Variants in CDH4 observed in about 807,000 individuals in gnomAD.
CDH4 encodes the protein cadherin 4.
CDH4 carries 33 observed loss-of-function variants against 86.0 expected under a neutral mutation model. That is an observed-to-expected ratio of 0.38 (90% CI 0.29 to 0.51). CDH4 has a LOEUF of 0.51. Among genes scored for constraint, CDH4 ranks in the 20% least tolerant of loss-of-function variants. CDH4 has a pLI of 0.86. For synonymous variants in CDH4, 555 were observed against 549.4 expected (o/e 1.01, Z -0.14); for missense variants, 1,114 against 1,307.4 (o/e 0.85, Z 2.28).
chr20:61,707,566 C>T (rs993851677), intron 2 of CDH4, among the ~76,000 whole-genome samples: 1 of 152,150 alleles, frequency 6.6e-6, no homozygotes, highest in African/African-American at 2.4e-5. Context: ...AAAATGTTAC[C>T]CCATAAAAAA....
intron 2 of CDH4, among the ~76,000 whole-genome samples, chr20:61,616,875 G>A (rs908115320): frequency 1.1e-4 from 17 of 152,160 alleles, no homozygotes; most frequent in African/African-American, 2.7e-4. Context: ...CAGGGTCCCC[G>A]CTGCACATCC....
intron 2 of CDH4, among the ~76,000 whole-genome samples, chr20:61,706,703 C>G (rs1203361103): frequency 6.6e-6 from 1 of 152,170 alleles, no homozygotes; most frequent in Non-Finnish European, 1.5e-5. Flanking sequence ...GTGTAGAAAC[C>G]ACCTTGGCTG....
chr20:61,425,132 G>A (rs1015748755), intron 2 of CDH4, among the ~76,000 whole-genome samples: 7 of 152,198 alleles, frequency 4.6e-5, no homozygotes, highest in Non-Finnish European at 1.5e-5. Context: ...GTGGCTCCGC[G>A]AGCGCCTTGA....
At chr20:61,303,508 A>G (rs1454680082) in intron 2 of CDH4, among the ~76,000 whole-genome samples, 1 of 152,024 alleles carries the variant, frequency 6.6e-6, no homozygotes, top group Non-Finnish European at 1.5e-5. Flanking sequence ...TCTCTGCCTC[A>G]TCCTCACCCT....
At chr20:61,472,314 T>C (rs781309875) in intron 2 of CDH4, among the ~76,000 whole-genome samples, 16 of 152,230 alleles carry the variant, frequency 1.1e-4, no homozygotes, top group Non-Finnish European at 1.9e-4. Context: ...CTGATATAAG[T>C]GTAGCTACTC....
intron 2 of CDH4, among the ~76,000 whole-genome samples, chr20:61,506,540 C>T (rs1247600352): frequency 6.6e-6 from 1 of 152,206 alleles, no homozygotes; most frequent in Non-Finnish European, 1.5e-5. Context: ...ATTTTGGCAG[C>T]TTTGCCTGTT....
At chr20:61,444,919 CTGTG>C in intron 2 of CDH4, among the ~76,000 whole-genome samples, 4 of 150,146 alleles carry the variant, frequency 2.7e-5, no homozygotes, top group Admixed American at 2.6e-4. Flanking sequence ...GTGTGTGTGT[CTGTG>C]TGTGTCTGTA....
chr20:61,747,561 T>G (rs927157203), intron 3 of CDH4, among the ~76,000 whole-genome samples: 18 of 152,004 alleles, frequency 1.2e-4, no homozygotes, highest in Non-Finnish European at 2.5e-4. Flanking sequence ...CTTTGAGAGA[T>G]AATTAGAAGG....
At chr20:61,318,224 G>A (rs563068330) in intron 2 of CDH4, among the ~76,000 whole-genome samples, 9 of 152,244 alleles carry the variant, frequency 5.9e-5, no homozygotes, top group South Asian at 2.1e-4. Flanking sequence ...TTTGCTTTGC[G>A]TTGACGACTC....
At chr20:61,650,338 G>T (rs2087108271) in intron 2 of CDH4, among the ~76,000 whole-genome samples, 2 of 152,198 alleles carry the variant, frequency 1.3e-5, no homozygotes, top group African/African-American at 4.8e-5. Context: ...TGACTGCTTA[G>T]TGCTGTCTTG....
chr20:61,603,681 CAG>C (rs1187372897), intron 2 of CDH4, among the ~76,000 whole-genome samples: 5 of 152,310 alleles, frequency 3.3e-5, no homozygotes, highest in African/African-American at 1.2e-4. Context: ...CAATGGAGCA[CAG>C]AGAAGTGAGC....
intron 7 of CDH4, 92 bp downstream of exon 7, chr20:61,873,992 C>T (rs1026189326): frequency 6.6e-6 from 9 of 1,373,546 alleles, no homozygotes; most frequent in African/African-American, 4.3e-5. Flanking sequence ...CCAGTGGCGC[C>T]GTCGGGGAGT....
At chr20:61,587,556 C>T (rs1043763353) in intron 2 of CDH4, among the ~76,000 whole-genome samples, 5 of 152,204 alleles carry the variant, frequency 3.3e-5, no homozygotes, top group East Asian at 3.9e-4. Flanking sequence ...AGGCCGAGCG[C>T]GGGGAGGTTA....
intron 2 of CDH4, 99 bp downstream of exon 2, chr20:61,255,036 T>C (rs957947266): frequency 1.3e-6 from 1 of 767,980 alleles, no homozygotes; most frequent in Non-Finnish European, 2.3e-6. Context: ...ATCTTTGTGC[T>C]CTCTGTGAAA....
At chr20:61,340,248 G>A (rs1300954667) in intron 2 of CDH4, among the ~76,000 whole-genome samples, 1 of 152,170 alleles carries the variant, frequency 6.6e-6, no homozygotes. Context: ...GACTCAACCT[G>A]ACCCTGAGTC....
intron 9 of CDH4, among the ~76,000 whole-genome samples, chr20:61,918,244 G>C (rs774028534): frequency 6.6e-6 from 1 of 152,244 alleles, no homozygotes; most frequent in African/African-American, 2.4e-5. Flanking sequence ...TTTCAGAGGA[G>C]TGTGCTGGGT....
chr20:61,840,899 G>T (rs968563386), intron 4 of CDH4, among the ~76,000 whole-genome samples: 1 of 152,264 alleles, frequency 6.6e-6, no homozygotes, highest in African/African-American at 2.4e-5. Context: ...AAACGGGCCT[G>T]GAGAATAAGC....
chr20:61,800,720 C>T (rs780540159), intron 4 of CDH4, among the ~76,000 whole-genome samples: 1 of 152,234 alleles, frequency 6.6e-6, no homozygotes, highest in East Asian at 1.9e-4. Context: ...GAGCCTCAGG[C>T]AGGCCGAGAG....
At chr20:61,586,776 T>TC (rs554678659) in intron 2 of CDH4, among the ~76,000 whole-genome samples, 7 of 152,116 alleles carry the variant, frequency 4.6e-5, no homozygotes, top group Non-Finnish European at 8.8e-5. Flanking sequence ...CTTGGAAAAG[T>TC]CACCAGGTTA....
Sources: gnomAD v4.1 joint callset for allele counts (sites outside exome capture counted in the v4.1 genomes callset) on GRCh38, gnomAD v4.1.1 for gene constraint, MANE v1.5 for transcripts, NCBI Gene and HGNC (gene_info 2026-07-23, HGNC 2026-07-21) for gene names.